RAD17: variants seen among roughly 807,000 people sequenced by gnomAD.
The protein encoded by RAD17 is RAD17 checkpoint clamp loader component, also known as cell cycle checkpoint protein RAD17.
RAD17 carries 31 observed loss-of-function variants against 81.5 expected under a neutral mutation model. The ratio of observed to expected loss-of-function variants is 0.38; its 90% CI spans 0.29 to 0.51. The LOEUF is 0.51. Among genes scored for constraint, RAD17 ranks in the 20% least tolerant of loss-of-function variants. The pLI is 0.88. For missense variants in RAD17, 681 were observed against 781.2 expected, an observed-to-expected ratio of 0.87 and a Z score of 1.53; for synonymous variants, 261 against 266.2, an observed-to-expected ratio of 0.98 and a Z score of 0.19.
chr5:69,386,298 A>G lies in RAD17; in HGVS notation c.817A>G (p.Asn273Asp), dbSNP rs148829042. The change falls in exon 10 of 19, where the codon AAT becomes GAT. Residue 273 changes from asparagine to aspartate, a missense_variant. Asn to Asp is a conservative substitution (Grantham distance 23, BLOSUM62 1). Transcript: ENST00000354868. ...KEIQEECSIS[N>D]ISFNPVAPTI... is the part of the protein sequence containing the mutation. ...AATTCAGGAAGAGTGTTCTATCTCA[A>G]ATATTAGGTAAGAAAGAAATTTCTG... 2.2e-5 allele frequency: 35 copies of G among 1,593,932 alleles called. No homozygotes were observed. Among genetic ancestry groups the G allele is most frequent in the Non-Finnish European group, 2.9e-5 (34 of 1,171,184 alleles).
At chr5:69,382,894 A>T (rs184989246) in intron 7 of RAD17, among the ~76,000 whole-genome samples, 9 of 151,722 alleles carry the variant, frequency 5.9e-5, no homozygotes, top group African/African-American at 2.2e-4. Flanking sequence ...AGCTATTCTC[A>T]TGCCTCAGCC....
chr5:69,373,094 G>A (rs536693728), intron 4 of RAD17, among the ~76,000 whole-genome samples: 1 of 152,114 alleles, frequency 6.6e-6, no homozygotes, highest in Non-Finnish European at 1.5e-5. Context: ...TGTATGAAAT[G>A]GTTCTTAGTT....
intron 6 of RAD17, among the ~76,000 whole-genome samples, chr5:69,377,726 C>CAAAG: frequency 1.5e-4 from 4 of 26,006 alleles, no homozygotes; most frequent in Admixed American, 1.0e-3. Context: ...AAAGTATTTT[C>CAAAG]TTTATGGTTT....
At position 69,372,144 on chromosome 5, in the gene RAD17, C is replaced by A; in HGVS notation, c.-65C>A. Reference sequence around the variant, plus strand: ...CTATAATGAAAGATATTTTCATACTCTCAAAAATATAGAGGAAAGGGGCCA... The same window carrying A: ...CTATAATGAAAGATATTTTCATACTATCAAAAATATAGAGGAAAGGGGCCA... On this transcript the variant is annotated 5_prime_UTR_variant, in exon 4 of 19. Coordinates refer to ENST00000354868, the MANE Select transcript of RAD17 (RefSeq NM_133338.3). 1 of 1,552,410 alleles carries A rather than the reference C, an allele frequency of 6.4e-7. No individual in the cohort carries two copies. Among genetic ancestry groups the A allele is most frequent in the Non-Finnish European group, 8.8e-7 (1 of 1,142,202 alleles).
chr5:69,402,475 C>T (rs949978265), intron 17 of RAD17, among the ~76,000 whole-genome samples: 12 of 152,040 alleles, frequency 7.9e-5, no homozygotes, highest in Admixed American at 7.2e-4. Context: ...ACCATCCTGG[C>T]TAACCCCGTC....
At chr5:69,411,184 G>A (rs1765971887) in intron 18 of RAD17, among the ~76,000 whole-genome samples, 1 of 151,898 alleles carries the variant, frequency 6.6e-6, no homozygotes, top group Non-Finnish European at 1.5e-5. Context: ...CCCGAGGCAG[G>A]TGGATCACCT....
intron 17 of RAD17, among the ~76,000 whole-genome samples, chr5:69,400,544 T>C (rs1765202211): frequency 6.6e-6 from 1 of 152,062 alleles, no homozygotes; most frequent in South Asian, 2.1e-4. Context: ...CAATATCTTT[T>C]TGTGGGCCAA....
intron 4 of RAD17, among the ~76,000 whole-genome samples, chr5:69,372,614 G>A (rs1216948967): frequency 6.6e-6 from 1 of 151,674 alleles, no homozygotes; most frequent in Non-Finnish European, 1.5e-5. Flanking sequence ...CTAATTATTA[G>A]CAAAATTTTT....
At chr5:69,369,316 G>C (rs1288827716), upstream of RAD17, 26 of 648,234 alleles carry the variant, frequency 4.0e-5, no homozygotes, top group Non-Finnish European at 5.0e-5. Context: ...GCGAGGGTCG[G>C]CTCCCGGGGC....
At chr5:69,381,053 G>A (rs1262871410) in intron 6 of RAD17, among the ~76,000 whole-genome samples, 1 of 152,068 alleles carries the variant, frequency 6.6e-6, no homozygotes, top group Non-Finnish European at 1.5e-5. Flanking sequence ...ACAGGTGTGA[G>A]CCGCCGTGCT....
At chr5:69,413,043 C>A (rs1216437983) in intron 18 of RAD17, among the ~76,000 whole-genome samples, 1 of 151,300 alleles carries the variant, frequency 6.6e-6, no homozygotes, top group African/African-American at 2.4e-5. Context: ...TTTAAAATTA[C>A]AAATTAGATT....
At chr5:69,380,997 G>A (rs1763821084) in intron 6 of RAD17, among the ~76,000 whole-genome samples, 1 of 151,742 alleles carries the variant, frequency 6.6e-6, no homozygotes, top group African/African-American at 2.4e-5. Context: ...TCAGACTCCT[G>A]GGCTCAAGGA....
At chr5:69,399,554 A>G (rs542493442) in intron 16 of RAD17, among the ~76,000 whole-genome samples, 8 of 152,308 alleles carry the variant, frequency 5.3e-5, no homozygotes, top group Non-Finnish European at 7.3e-5. Context: ...CTTTTAAGCA[A>G]TTTATATCTC....
chr5:69,373,710 T>TGTTTTAAAGGTTATAAATA, intron 4 of RAD17, 120 bp from the exon 5 acceptor site: 1 of 495,420 alleles, frequency 2.0e-6, no homozygotes. Context: ...TTTTTTTTTT[T>TGTTTTAAAGGTTATAAATA]TTTTTTAAGT....
chr5:69,402,524 A>G (rs937789156), intron 17 of RAD17, among the ~76,000 whole-genome samples: 2 of 151,760 alleles, frequency 1.3e-5, no homozygotes, highest in African/African-American at 2.4e-5. Flanking sequence ...GCACGGTGGC[A>G]GGTGCCTGTA....
Position 69,372,200 on chromosome 5 carries a change from G to A in RAD17, c.-9G>A. ...ATAGTACCAGTCACAATCTTTTGAT[G>A]AGGACGAAATGAATCAGGTAGCTAT... On this transcript the variant is annotated 5_prime_UTR_variant, in exon 4 of 19. It removes an upstream start codon present in the reference 5' UTR. Coordinates refer to ENST00000354868, the MANE Select transcript of RAD17 (RefSeq NM_133338.3). 1 of 1,608,048 alleles carries A rather than the reference G, an allele frequency of 6.2e-7. No individual in the cohort carries two copies. The highest frequency in any genetic ancestry group is 8.5e-7 in the Non-Finnish European group (1 of 1,175,290).
At chr5:69,380,266 T>C (rs1318217691) in intron 6 of RAD17, among the ~76,000 whole-genome samples, 5 of 152,182 alleles carry the variant, frequency 3.3e-5, no homozygotes, top group African/African-American at 4.8e-5. Flanking sequence ...TTGTTTATTA[T>C]AATTATCAAG....
chr5:69,410,604 A>G (rs1468890474), intron 18 of RAD17, 54 bp downstream of exon 18: 13 of 1,484,712 alleles, frequency 8.8e-6, no homozygotes, highest in African/African-American at 2.8e-5. Flanking sequence ...TCTACTGAAT[A>G]TGTTCAGTAT....
rs1277254631 is a variant in RAD17, at chr5:69,373,220, TG to T, written c.10-609del. 2.6e-5 allele frequency among the ~76,000 whole-genome samples: 4 copies of T among 152,198 alleles called. No homozygotes were observed. The South Asian group carries it at 8.3e-4, about 31-fold the overall frequency. On this transcript the variant is annotated intron_variant, in intron 4 of 18. Transcript: ENST00000354868. ...TTTTAATAGGTAATTTTAATATTTA[TG>T]TTTCAATCCTACAGAGAGTTTAAAA...
Sources: allele counts gnomAD v4.1 joint callset (sites outside exome capture counted in the v4.1 genomes callset), GRCh38; gene constraint gnomAD v4.1.1; transcripts MANE v1.5; gene names NCBI Gene and HGNC (gene_info 2026-07-23, HGNC 2026-07-21).